The following CXorf58 variants were observed in gnomAD, a reference collection of about 807,000 sequenced individuals.
CXorf58 encodes uncharacterized protein CXorf58.
CXorf58 carries 24 observed loss-of-function variants against 26.0 expected under a neutral mutation model. That is an observed-to-expected ratio of 0.92 (90% CI 0.67 to 1.30). The LOEUF (loss-of-function observed/expected upper bound fraction) is 1.30, where lower values mean the gene tolerates loss of function less well. Ranked by LOEUF, CXorf58 falls within the 50% of genes most tolerant of loss-of-function variation. CXorf58 has a pLI of 0.00. For synonymous variants in CXorf58, 87 were observed against 86.1 expected, an observed-to-expected ratio of 1.01 and a Z score of -0.06; for missense variants, 236 against 263.9, an observed-to-expected ratio of 0.89 and a Z score of 0.73.
At chrX:23,912,529 G>A (rs1265674222) in intron 3 of CXorf58, among the ~76,000 whole-genome samples, 5 of 110,945 alleles carry the variant, frequency 4.5e-5, no homozygotes, top group Admixed American at 9.6e-5. Flanking sequence ...AAGGCAGGGA[G>A]GGCCAGGAGT....
chrX:23,927,015 T>C (rs1336143482), intron 5 of CXorf58, among the ~76,000 whole-genome samples: 1 of 110,816 alleles, frequency 9.0e-6, no homozygotes, highest in African/African-American at 3.3e-5. Flanking sequence ...CAAGACTCCG[T>C]TTCAAAAAAA....
chrX:23,931,724 TG>T (rs1188741088), intron 6 of CXorf58, among the ~76,000 whole-genome samples: 1 of 112,145 alleles, frequency 8.9e-6, no homozygotes, highest in African/African-American at 3.2e-5. Flanking sequence ...CCCAGCTACT[TG>T]GGAGGCTGAG....
At chrX:23,921,272 T>G (rs926856435) in intron 5 of CXorf58, among the ~76,000 whole-genome samples, 1 of 112,009 alleles carries the variant, frequency 8.9e-6, no homozygotes, top group African/African-American at 3.2e-5. Flanking sequence ...TTGTTTAAAT[T>G]AGCCCACAGA....
chrX:23,934,557 C>T (rs771306582), intron 6 of CXorf58, among the ~76,000 whole-genome samples: 206 of 111,607 alleles, frequency 1.8e-3, no homozygotes, highest in Non-Finnish European at 2.8e-3. Context: ...TGCGCCACCA[C>T]GCCCAGCTAA....
intron 5 of CXorf58, among the ~76,000 whole-genome samples, chrX:23,921,445 T>C (rs1265273740): frequency 8.9e-6 from 1 of 111,917 alleles, no homozygotes; most frequent in Non-Finnish European, 1.9e-5. Context: ...GGTCATATTA[T>C]TGACCTTGAA....
chrX:23,915,621 A>G, intron 3 of CXorf58, 79 bp from the exon 4 acceptor site: 1 of 559,304 alleles, frequency 1.8e-6, no homozygotes, highest in Middle Eastern at 3.3e-4. Flanking sequence ...TCACTTTACC[A>G]CGTTGCCTCT....
chrX:23,929,397 CTG>C (rs1343330148), intron 6 of CXorf58, among the ~76,000 whole-genome samples: 2 of 85,733 alleles, frequency 2.3e-5, no homozygotes, highest in Admixed American at 1.5e-4. Flanking sequence ...TAGAGTGAGA[CTG>C]TGTCTCAAAA....
chrX:23,911,428 A>G (rs1420375113), intron 2 of CXorf58, among the ~76,000 whole-genome samples: 1 of 111,780 alleles, frequency 8.9e-6, no homozygotes, highest in African/African-American at 3.3e-5. Flanking sequence ...GTTTTTGGGA[A>G]GTAAGCTTGT....
chrX:23,911,023 T>C (rs1927565273), intron 2 of CXorf58, among the ~76,000 whole-genome samples: 1 of 110,754 alleles, frequency 9.0e-6, no homozygotes, highest in Non-Finnish European at 1.9e-5. Context: ...CGCCTCGGCC[T>C]CCCAAACTGC....
In CXorf58 at chrX:23,928,891, C is replaced by G. The variant is rs1394901149; in HGVS notation, c.555+1521C>G. On this transcript the variant is annotated intron_variant, in intron 6 of 8. Transcript: ENST00000379211. ...TAAGTGTTCGAGTGAAAGAGTCATG[C>G]GCCTCTCACTTTAAATCAAAAGCTA... 4.5e-5 allele frequency among the ~76,000 whole-genome samples: 5 copies of G among 111,351 alleles called. No individual in the cohort carries two copies. The East Asian group carries it at 1.1e-3, about 25-fold the overall frequency.
At chrX:23,924,226 G>A (rs1193403622) in intron 5 of CXorf58, among the ~76,000 whole-genome samples, 1 of 111,135 alleles carries the variant, frequency 9.0e-6, no homozygotes, top group Non-Finnish European at 1.9e-5. Flanking sequence ...CTGTGGGGCT[G>A]GTTAATTAGA....
chrX:23,910,167 G>C (rs928121749), intron 1 of CXorf58, 116 bp from the exon 2 acceptor site: 6 of 399,877 alleles, frequency 1.5e-5, no homozygotes, highest in Non-Finnish European at 2.6e-5. Context: ...GATCCACAAT[G>C]CCTTCCTTTT....
chrX:23,913,060 C>T (rs1927625879), intron 3 of CXorf58, among the ~76,000 whole-genome samples: 1 of 110,971 alleles, frequency 9.0e-6, no homozygotes, highest in African/African-American at 3.3e-5. Flanking sequence ...AAAAAAGGTG[C>T]ATATCCCCCC....
At chrX:23,931,345 A>G (rs1051078642) in intron 6 of CXorf58, among the ~76,000 whole-genome samples, 5 of 112,050 alleles carry the variant, frequency 4.5e-5, no homozygotes, top group African/African-American at 1.6e-4. Flanking sequence ...ATCATTGTTG[A>G]CGTTTGAGTC....
At chrX:23,927,089 C>A (rs1179806189) in intron 5 of CXorf58, 150 bp from the exon 6 acceptor site, 1 of 398,494 alleles carries the variant, frequency 2.5e-6, no homozygotes, top group Non-Finnish European at 4.4e-6. Context: ...TATATAATCT[C>A]TTTGCAAATG....
At chrX:23,934,078 A>G (rs147687944) in intron 6 of CXorf58, among the ~76,000 whole-genome samples, 3,642 of 111,001 alleles carry the variant, frequency 0.033, 167 homozygotes, top group African/African-American at 0.11. Context: ...AACAAGCTCT[A>G]CTAGGTATGC....
intron 5 of CXorf58, among the ~76,000 whole-genome samples, chrX:23,921,873 A>AT (rs1210337193): frequency 1.3e-4 from 14 of 106,464 alleles, no homozygotes; most frequent in South Asian, 4.2e-4. Flanking sequence ...TAATTTTTGC[A>AT]TTTTTTTTTA....
chrX:23,909,513 T>C (rs1394026129), intron 1 of CXorf58, among the ~76,000 whole-genome samples: 1 of 112,329 alleles, frequency 8.9e-6, no homozygotes, highest in African/African-American at 3.2e-5. Context: ...AAAAATATTT[T>C]GATGATTTCA....
chrX:23,926,590 TG>T (rs1928017933), intron 5 of CXorf58, among the ~76,000 whole-genome samples: 1 of 110,121 alleles, frequency 9.1e-6, no homozygotes, highest in Non-Finnish European at 1.9e-5. Flanking sequence ...CTGCATTGAC[TG>T]CACGAATGAT....
Sources: allele counts gnomAD v4.1 joint callset (sites outside exome capture counted in the v4.1 genomes callset), GRCh38; gene constraint gnomAD v4.1.1; transcripts MANE v1.5; gene names NCBI Gene and HGNC (gene_info 2026-07-23, HGNC 2026-07-21).